SBF2: variants seen among roughly 807,000 people sequenced by gnomAD.
SBF2 encodes SET binding factor 2, also known as myotubularin-related protein 13.
SBF2 carries 112 observed loss-of-function variants against 225.2 expected under a neutral mutation model. That is an observed-to-expected ratio of 0.50 (90% CI 0.43 to 0.58). The LOEUF (loss-of-function observed/expected upper bound fraction) is 0.58, where lower values mean the gene tolerates loss of function less well. Ranked by LOEUF, SBF2 falls within the 20% of genes least tolerant of loss-of-function variation. The probability of loss-of-function intolerance (pLI) is 0.00; values close to 1 mark genes in which losing one functional copy is unlikely to be tolerated. For synonymous variants in SBF2, 763 were observed against 773.3 expected, an observed-to-expected ratio of 0.99 and a Z score of 0.22; for missense variants, 1,996 against 2,206.2, an observed-to-expected ratio of 0.90 and a Z score of 1.91.
chr11:10,112,161 A>C (rs1462469153), intron 2 of SBF2, among the ~76,000 whole-genome samples: 1 of 152,206 alleles, frequency 6.6e-6, no homozygotes, highest in Non-Finnish European at 1.5e-5. Context: ...TCTTTCCTTT[A>C]TCTAAACTCT....
At chr11:10,238,642 G>A (rs980417220) in intron 1 of SBF2, among the ~76,000 whole-genome samples, 8 of 150,846 alleles carry the variant, frequency 5.3e-5, no homozygotes, top group African/African-American at 1.5e-4. Context: ...GCTGGGCGCA[G>A]TGGTTCACAC....
intron 13 of SBF2, among the ~76,000 whole-genome samples, chr11:9,974,316 G>C (rs1339065909): frequency 6.6e-6 from 1 of 152,100 alleles, no homozygotes; most frequent in African/African-American, 2.4e-5. Context: ...TAGGTGTCTT[G>C]TGTATTGTAA....
chr11:10,256,468 A>C (rs1960875671), intron 1 of SBF2, among the ~76,000 whole-genome samples: 2 of 152,206 alleles, frequency 1.3e-5, no homozygotes, highest in South Asian at 4.1e-4. Flanking sequence ...CTACCTATAT[A>C]TCACTGATGC....
chr11:10,008,005 A>C (rs560411360), intron 6 of SBF2, among the ~76,000 whole-genome samples: 14 of 152,330 alleles, frequency 9.2e-5, no homozygotes, highest in African/African-American at 2.9e-4. Context: ...ATTCTGTCTA[A>C]GGGAGAAAGT....
At chr11:10,176,880 C>T (rs1330364674) in intron 2 of SBF2, among the ~76,000 whole-genome samples, 2 of 152,136 alleles carry the variant, frequency 1.3e-5, no homozygotes, top group African/African-American at 4.8e-5. Flanking sequence ...CTGGCAGAGA[C>T]ACAACCAAAA....
chr11:9,790,062 G>C (rs932353938), intron 34 of SBF2, among the ~76,000 whole-genome samples: 1 of 152,212 alleles, frequency 6.6e-6, no homozygotes, highest in African/African-American at 2.4e-5. Context: ...TATCAGACCA[G>C]TCTGTTGCAT....
chr11:9,923,617 T>C (rs1863802814), intron 16 of SBF2, among the ~76,000 whole-genome samples: 2 of 152,172 alleles, frequency 1.3e-5, no homozygotes, highest in Admixed American at 6.5e-5. Context: ...AAACAAAAAA[T>C]GGTTGTAGAT....
intron 9 of SBF2, among the ~76,000 whole-genome samples, chr11:9,994,309 C>T (rs2134477441): frequency 6.6e-6 from 1 of 151,558 alleles, no homozygotes; most frequent in South Asian, 2.1e-4. Context: ...CCCATCTCTA[C>T]TAAAAATACA....
At chr11:10,179,420 A>G (rs1032395467) in intron 2 of SBF2, among the ~76,000 whole-genome samples, 1 of 149,628 alleles carries the variant, frequency 6.7e-6, no homozygotes, top group Non-Finnish European at 1.5e-5. Flanking sequence ...AACAAACAAA[A>G]AAAACTTATT....
chr11:10,116,443 A>G (rs1953141347), intron 2 of SBF2, among the ~76,000 whole-genome samples: 1 of 152,214 alleles, frequency 6.6e-6, no homozygotes, highest in African/African-American at 2.4e-5. Context: ...CCAGGAGAGG[A>G]TTTATGCATC....
chr11:9,802,810 G>C (rs186473458), intron 32 of SBF2, among the ~76,000 whole-genome samples: 1 of 152,282 alleles, frequency 6.6e-6, no homozygotes, highest in Admixed American at 6.5e-5. Context: ...AGTCTTCTTA[G>C]ATTCCTCTGT....
intron 11 of SBF2, 74 bp downstream of exon 11, chr11:9,992,916 G>C (rs78399419): frequency 9.2e-7 from 1 of 1,092,472 alleles, no homozygotes; most frequent in Non-Finnish European, 1.3e-6. Context: ...TAAATGGCTC[G>C]GAAAAAAAAC....
chr11:9,873,972 C>T (rs1340319527), intron 17 of SBF2, among the ~76,000 whole-genome samples: 1 of 152,014 alleles, frequency 6.6e-6, no homozygotes, highest in Non-Finnish European at 1.5e-5. Flanking sequence ...TCGCTTGAAC[C>T]CGTGGTCTCT....
intron 1 of SBF2, among the ~76,000 whole-genome samples, chr11:10,206,710 T>C (rs920980862): frequency 1.3e-5 from 2 of 152,092 alleles, no homozygotes; most frequent in Non-Finnish European, 2.9e-5. Context: ...AAAATCTCAC[T>C]GGATGGTTTC....
At chr11:9,997,745 T>C (rs1319967288) in intron 9 of SBF2, among the ~76,000 whole-genome samples, 2 of 152,184 alleles carry the variant, frequency 1.3e-5, no homozygotes, top group African/African-American at 4.8e-5. Context: ...GCCACTGCAC[T>C]CCAGCCTGGG....
At chr11:10,296,750 T>C (rs1964553038), upstream of SBF2, among the ~76,000 whole-genome samples, 1 of 152,224 alleles carries the variant, frequency 6.6e-6, no homozygotes, top group Non-Finnish European at 1.5e-5. Context: ...TTCTTGGGAT[T>C]GGAATTACTG....
chr11:10,056,231 T>C (rs144210224), intron 2 of SBF2, among the ~76,000 whole-genome samples: 368 of 152,318 alleles, frequency 2.4e-3, no homozygotes, highest in African/African-American at 7.8e-3. Context: ...CAAGTTCCTT[T>C]TTGGTTCCAT....
intron 2 of SBF2, among the ~76,000 whole-genome samples, chr11:10,172,517 A>G (rs140991114): frequency 0.095 from 14,480 of 151,760 alleles, 938 homozygotes; most frequent in East Asian, 0.29. Context: ...GCGCCCGGCT[A>G]ATTTTTTTAT....
At chr11:10,187,916 C>T (rs919739354) in intron 2 of SBF2, among the ~76,000 whole-genome samples, 2 of 152,010 alleles carry the variant, frequency 1.3e-5, no homozygotes, top group African/African-American at 4.8e-5. Context: ...CTGCAATGTG[C>T]GTGAGATAGA....
Sources: allele counts gnomAD v4.1 joint callset (sites outside exome capture counted in the v4.1 genomes callset), GRCh38; gene constraint gnomAD v4.1.1; transcripts MANE v1.5; gene names NCBI Gene and HGNC (gene_info 2026-07-23, HGNC 2026-07-21).